Variants in ANKRD17 observed in about 807,000 individuals in gnomAD.
ANKRD17 encodes the protein ankyrin repeat domain 17, also known as ankyrin repeat domain-containing protein 17.
In ANKRD17, 19 loss-of-function variants were observed where a neutral mutation model predicts 229.7. The observed-to-expected ratio is 0.08, with a 90% CI of 0.06 to 0.12. ANKRD17 has a LOEUF of 0.12. ANKRD17 is among the 10% of genes least tolerant of loss of function. ANKRD17 has a pLI of 1.00. For missense variants in ANKRD17, 2,176 were observed against 3,176.8 expected (o/e 0.68, Z 7.57); for synonymous variants, 1,112 against 1,146.1 (o/e 0.97, Z 0.60).
In ANKRD17 at chr4:73,100,056, C is replaced by G. The variant is rs576393467; in HGVS notation, c.4574-1536G>C. On this transcript the variant is annotated intron_variant, in intron 25 of 33. Coordinates refer to ENST00000358602, the MANE Select transcript of ANKRD17 (RefSeq NM_032217.5). Reference sequence around the variant, plus strand: ...CAACCCTCCTGCTCCTCCCTGCCCCCCAAGGTTCTGGTTCCATTTTTCCTC... The same window carrying G: ...CAACCCTCCTGCTCCTCCCTGCCCCGCAAGGTTCTGGTTCCATTTTTCCTC... Among the ~76,000 whole-genome samples, 6 of 152,172 alleles carry G rather than the reference C, an allele frequency of 3.9e-5. No homozygotes were observed. The East Asian group carries it at 5.8e-4, about 15-fold the overall frequency.
At chr4:73,148,008 C>T (rs1012428935) in intron 8 of ANKRD17, among the ~76,000 whole-genome samples, 4 of 152,084 alleles carry the variant, frequency 2.6e-5, no homozygotes, top group African/African-American at 9.7e-5. Flanking sequence ...TTTATACACA[C>T]GTATTAACTA....
chr4:73,140,119 G>A lies in ANKRD17; in HGVS notation c.2497C>T (p.Gln833Ter), dbSNP rs554386947. The A allele has an allele frequency of 6.2e-7, 1 of 1,614,150 alleles. No individual in the cohort carries two copies. Among genetic ancestry groups the A allele is most frequent in the Non-Finnish European group, 8.5e-7 (1 of 1,180,030 alleles). Reference sequence around the variant, plus strand: ...TCAGCATGAGCCAGTTCCAAGGACTGCAGCTGTGCATTCTTTTCTATGGCT... The same window carrying A: ...TCAGCATGAGCCAGTTCCAAGGACTACAGCTGTGCATTCTTTTCTATGGCT... ...KEAIEKNAQLQSLELAHADQL... is the reference protein window; with the variant it reads ...KEAIEKNAQL Residue 833 changes from glutamine (Q) to a stop codon, truncating the protein, a stop_gained, in exon 15 of 34, where the codon CAG (glutamine) becomes TAG (stop). Transcript: ENST00000358602. LOFTEE classifies it high-confidence loss of function.
chr4:73,182,857 T>C (rs537277513), intron 1 of ANKRD17, among the ~76,000 whole-genome samples: 22 of 152,342 alleles, frequency 1.4e-4, no homozygotes, highest in African/African-American at 5.3e-4. Context: ...TAATTTAGGA[T>C]GTTTAACAGC....
chr4:73,136,494 A>T (rs1284793438), intron 15 of ANKRD17, among the ~76,000 whole-genome samples: 2 of 152,188 alleles, frequency 1.3e-5, no homozygotes, highest in Admixed American at 1.3e-4. Context: ...CACACATTCT[A>T]TAATTATACA....
Position 73,142,301 on chromosome 4 carries a change from G to C in ANKRD17, c.2170C>G (p.Leu724Val). The change falls in exon 13 of 34, where the codon CTT becomes GTT. Residue 724 changes from leucine to valine, a missense_variant. Transcript: ENST00000358602. The stretch of plus-strand genomic sequence containing the variant: ...GTGACATCTGGTGGAGGGGCTGAAA[G>C]CAAGTTATTAGGATAATCCAAGAGA... Reference protein sequence around the residue: ...CYLLDYPNNLLSAPPPDVTQL... With the variant: ...CYLLDYPNNLVSAPPPDVTQL... The C allele has an allele frequency of 6.4e-7, 1 of 1,561,806 alleles. No individual in the cohort carries two copies. Among genetic ancestry groups the C allele is most frequent in the Non-Finnish European group, 8.6e-7 (1 of 1,166,572 alleles).
chr4:73,090,608 A>G (rs1722701960), intron 29 of ANKRD17, 59 bp downstream of exon 29: 1 of 1,594,894 alleles, frequency 6.3e-7, no homozygotes, highest in African/African-American at 1.4e-5. Context: ...AATGACCAAG[A>G]ATTTTCACAT....
chr4:73,184,873 A>G (rs1736085277), intron 1 of ANKRD17, among the ~76,000 whole-genome samples: 1 of 152,232 alleles, frequency 6.6e-6, no homozygotes, highest in Non-Finnish European at 1.5e-5. Flanking sequence ...GCGCCTTTCA[A>G]TACTGTGCTG....
At chr4:73,250,454 T>G (rs925632280) in intron 1 of ANKRD17, among the ~76,000 whole-genome samples, 2 of 151,132 alleles carry the variant, frequency 1.3e-5, no homozygotes, top group African/African-American at 2.4e-5. Flanking sequence ...TACAAAACAA[T>G]TAGCCAGGCG....
chr4:73,193,723 A>G (rs1207306894), intron 1 of ANKRD17, among the ~76,000 whole-genome samples: 1 of 152,150 alleles, frequency 6.6e-6, no homozygotes, highest in Non-Finnish European at 1.5e-5. Flanking sequence ...GCTTGAGCCT[A>G]GGAGTTCTGC....
chr4:73,217,010 T>C (rs1475305329), intron 1 of ANKRD17, among the ~76,000 whole-genome samples: 1 of 152,228 alleles, frequency 6.6e-6, no homozygotes, highest in Non-Finnish European at 1.5e-5. Flanking sequence ...TGACTTCATA[T>C]CAGAATGAGC....
At chr4:73,102,021 C>T (rs1343178726) in intron 25 of ANKRD17, among the ~76,000 whole-genome samples, 2 of 152,112 alleles carry the variant, frequency 1.3e-5, no homozygotes, top group African/African-American at 4.8e-5. Context: ...CAGTCTCAAC[C>T]TCCCAGGCTG....
chr4:73,133,328 A>T (rs1402709880), intron 16 of ANKRD17, among the ~76,000 whole-genome samples: 2 of 151,946 alleles, frequency 1.3e-5, no homozygotes, highest in African/African-American at 4.8e-5. Context: ...GTTCAAACCA[A>T]TTCTACAATG....
chr4:73,127,469 T>C (rs1002034418), intron 16 of ANKRD17, among the ~76,000 whole-genome samples: 11 of 152,230 alleles, frequency 7.2e-5, no homozygotes, highest in African/African-American at 2.7e-4. Context: ...AATCTCATCA[T>C]ATTTTTCAAC....
rs144694429 is a variant in ANKRD17 at position 73,176,043 on chromosome 4, T to C, written c.547+1337A>G. The stretch of plus-strand genomic sequence containing the variant: ...ACAACCACAGAATGGGAGAAAATAT[T>C]TGCAAACTACCCAGCTGACAATGAA... On this transcript the variant is annotated intron_variant, in intron 2 of 33. Coordinates refer to ENST00000358602, the MANE Select transcript of ANKRD17 (RefSeq NM_032217.5). 3.7e-3 allele frequency among the ~76,000 whole-genome samples: 559 copies of C among 150,468 alleles called. 2 individuals are homozygous for C. The highest frequency in any genetic ancestry group is 0.013 in the African/African-American group (536 of 41,164).
intron 24 of ANKRD17, among the ~76,000 whole-genome samples, chr4:73,111,903 A>T (rs1405363282): frequency 1.3e-5 from 2 of 152,236 alleles, no homozygotes; most frequent in African/African-American, 4.8e-5. Flanking sequence ...GACAAACAAG[A>T]TAATTAAGTA....
chr4:73,098,975 C>G, intron 25 of ANKRD17: 1 of 988,960 alleles, frequency 1.0e-6, no homozygotes, highest in East Asian at 2.4e-5. Flanking sequence ...CAGTGAAGTG[C>G]CAACACCTAA....
chr4:73,146,737 T>G (rs1026899810), intron 10 of ANKRD17, 27 bp downstream of exon 10: 1 of 1,480,540 alleles, frequency 6.8e-7, no homozygotes, highest in African/African-American at 1.4e-5. Flanking sequence ...TGTTAAATAT[T>G]AAGATTTAAA....
intron 1 of ANKRD17, among the ~76,000 whole-genome samples, chr4:73,241,503 T>A (rs1744033291): frequency 6.6e-6 from 1 of 152,188 alleles, no homozygotes; most frequent in Non-Finnish European, 1.5e-5. Context: ...TTATTATTTT[T>A]AAAAAGAGGT....
chr4:73,215,106 G>A (rs1433805319), intron 1 of ANKRD17, among the ~76,000 whole-genome samples: 1 of 152,020 alleles, frequency 6.6e-6, no homozygotes. Context: ...CGAATGATAT[G>A]AGCCTGTCAT....
Sources: allele counts gnomAD v4.1 joint callset (sites outside exome capture counted in the v4.1 genomes callset), GRCh38; gene constraint gnomAD v4.1.1; transcripts MANE v1.5; gene names NCBI Gene and HGNC (gene_info 2026-07-23, HGNC 2026-07-21).